Variants in CSMD2 observed in about 807,000 individuals in gnomAD.
CSMD2 encodes CUB and Sushi multiple domains 2, also known as CUB and sushi domain-containing protein 2.
CSMD2 carries 130 observed loss-of-function variants against 398.5 expected under a neutral mutation model. The observed-to-expected ratio is 0.33, with a 90% confidence interval of 0.28 to 0.38. The LOEUF is 0.38. CSMD2 is among the 10% of genes least tolerant of loss of function. The pLI is 1.00. For synonymous variants in CSMD2, 1,828 were observed against 1,908.5 expected, an observed-to-expected ratio of 0.96 and a Z score of 1.10; for missense variants, 3,829 against 4,764.9, an observed-to-expected ratio of 0.80 and a Z score of 5.78.
intron 13 of CSMD2, among the ~76,000 whole-genome samples, chr1:33,768,134 C>G (rs1165282541): frequency 6.6e-6 from 1 of 152,226 alleles, no homozygotes; most frequent in Non-Finnish European, 1.5e-5. Context: ...GCATTCTCCT[C>G]TAACCCATGC....
At chr1:33,825,845 G>A (rs1369125620) in intron 6 of CSMD2, 71 bp from the exon 7 acceptor site, 36 of 1,264,588 alleles carry the variant, frequency 2.8e-5, no homozygotes, top group South Asian at 7.6e-5. Flanking sequence ...CCCTCTAGAA[G>A]GATTCCCCCT....
At chr1:33,679,344 G>A (rs1644827193) in intron 25 of CSMD2, among the ~76,000 whole-genome samples, 1 of 151,972 alleles carries the variant, frequency 6.6e-6, no homozygotes, top group Admixed American at 6.6e-5. Context: ...TGGGATTACA[G>A]GCTCATGCCA....
chr1:33,623,109 G>C (rs1388402325), intron 36 of CSMD2, among the ~76,000 whole-genome samples: 1 of 152,206 alleles, frequency 6.6e-6, no homozygotes, highest in Non-Finnish European at 1.5e-5. Context: ...CTGGTTACTA[G>C]AGGCTAGGTG....
intron 13 of CSMD2, among the ~76,000 whole-genome samples, chr1:33,769,761 T>C (rs1385700996): frequency 1.1e-4 from 16 of 152,218 alleles, no homozygotes; most frequent in Non-Finnish European, 2.4e-4. Context: ...ACTTCTCAAA[T>C]AAATTTGAGC....
intron 13 of CSMD2, among the ~76,000 whole-genome samples, chr1:33,754,175 A>G (rs1648666037): frequency 6.6e-6 from 1 of 152,204 alleles, no homozygotes; most frequent in South Asian, 2.1e-4. Flanking sequence ...GCACATTGAA[A>G]TGTAATCCTT....
rs373209118 is a variant in CSMD2, at chr1:34,135,242, T to TCTCACACA, written c.187+29668_187+29669insTGTGTGAG. On this transcript the variant is annotated intron_variant, in intron 1 of 70. Transcript: ENST00000373381. Reference sequence around the variant, plus strand: ...ATAGACATCTGCCCTCATGTTGAAATCACACACACACACACACACACACAC... The same window carrying TCTCACACA: ...ATAGACATCTGCCCTCATGTTGAAATCTCACACACACACACACACACACACACACACAC... 1.3e-3 allele frequency among the ~76,000 whole-genome samples: 180 copies of TCTCACACA among 135,602 alleles called. 1 individual carries two copies. Among genetic ancestry groups the TCTCACACA allele is most frequent in the Middle Eastern group, 7.6e-3 (2 of 264 alleles). The allele number at this position is 135,602 out of a possible 152,430, so 89.0% of individuals were successfully genotyped here.
chr1:34,065,546 G>A (rs1655019772), intron 2 of CSMD2, among the ~76,000 whole-genome samples: 1 of 152,166 alleles, frequency 6.6e-6, no homozygotes, highest in African/African-American at 2.4e-5. Flanking sequence ...AACCAGCAGA[G>A]CTGGGTTTTA....
At chr1:33,604,855 G>A (rs994145468) in intron 42 of CSMD2, among the ~76,000 whole-genome samples, 6 of 152,080 alleles carry the variant, frequency 3.9e-5, no homozygotes, top group African/African-American at 1.4e-4. Flanking sequence ...AGATGAAGAG[G>A]GGAGCAAGAG....
intron 10 of CSMD2, 97 bp from the exon 11 acceptor site, chr1:33,792,623 G>T (rs887002314): frequency 6.4e-6 from 5 of 784,166 alleles, no homozygotes; most frequent in African/African-American, 5.1e-5. Flanking sequence ...ATGTCCCAAT[G>T]CTCAGAGTCA....
At chr1:33,899,150 G>A (rs1642589800) in intron 5 of CSMD2, among the ~76,000 whole-genome samples, 1 of 152,212 alleles carries the variant, frequency 6.6e-6, no homozygotes, top group African/African-American at 2.4e-5. Context: ...CTCTTGAAAG[G>A]GGAACGCTGA....
intron 42 of CSMD2, 74 bp downstream of exon 42, chr1:33,605,208 G>A (rs1640507872): frequency 1.4e-6 from 2 of 1,382,210 alleles, no homozygotes; most frequent in Admixed American, 2.0e-5. Flanking sequence ...CAGGTAGGTG[G>A]AACATGGGAT....
chr1:34,087,635 T>TAAC (rs1658046619), intron 2 of CSMD2, among the ~76,000 whole-genome samples: 1 of 148,266 alleles, frequency 6.7e-6, no homozygotes, highest in Non-Finnish European at 1.5e-5. Flanking sequence ...ATAATAATAA[T>TAAC]AATAATAATA....
intron 60 of CSMD2, among the ~76,000 whole-genome samples, chr1:33,539,328 T>G (rs1656112919): frequency 6.6e-6 from 1 of 152,204 alleles, no homozygotes; most frequent in Admixed American, 6.5e-5. Context: ...AAGTTGGAGA[T>G]AATCTAAATT....
At chr1:33,943,277 A>G (rs1271860492) in intron 3 of CSMD2, among the ~76,000 whole-genome samples, 4 of 152,178 alleles carry the variant, frequency 2.6e-5, no homozygotes, top group South Asian at 2.1e-4. Flanking sequence ...TTGTGATCTG[A>G]CTGTTGCTGA....
intron 19 of CSMD2, among the ~76,000 whole-genome samples, chr1:33,718,118 G>A (rs564915456): frequency 2.6e-5 from 4 of 152,244 alleles, no homozygotes; most frequent in African/African-American, 7.2e-5. Flanking sequence ...GTCCAAGGTC[G>A]CCCAGCTAGT....
At chr1:34,011,320 G>A (rs1017178887) in intron 3 of CSMD2, among the ~76,000 whole-genome samples, 3 of 152,188 alleles carry the variant, frequency 2.0e-5, no homozygotes, top group African/African-American at 4.8e-5. Context: ...GTGGGTTGGG[G>A]TGGACTGCTA....
intron 1 of CSMD2, among the ~76,000 whole-genome samples, chr1:34,151,460 A>G (rs1018159917): frequency 6.6e-6 from 1 of 152,162 alleles, no homozygotes; most frequent in Admixed American, 6.6e-5. Context: ...GTGAAAGGTC[A>G]GGAAGAGGCT....
At position 33,635,359 on chromosome 1, in the gene CSMD2, G is replaced by A. The variant is rs1252581723; in HGVS notation, c.4970-29C>T. ...AAAGAGAAACCAGATAGAGAGTCAGGTGACCTTGTGGGCCTCTTACCAGTG... is the reference window on the plus strand; with the variant it reads ...AAAGAGAAACCAGATAGAGAGTCAGATGACCTTGTGGGCCTCTTACCAGTG... On this transcript the variant is annotated intron_variant, in intron 30 of 70. Transcript: ENST00000373381. This position sits in a 1 kb window ranked among gnomAD's most constrained non-coding sequence, Gnocchi z 5.0. The A allele has an allele frequency of 7.2e-7, 1 of 1,396,622 alleles. No individual in the cohort carries two copies. Among genetic ancestry groups the A allele is most frequent in the Non-Finnish European group, 1.0e-6 (1 of 985,758 alleles). The allele number at this position is 1,396,622 out of a possible 1,614,324, so 86.5% of individuals were successfully genotyped here.
chr1:34,043,423 CAG>C (rs1157047313), intron 2 of CSMD2, among the ~76,000 whole-genome samples: 1 of 152,140 alleles, frequency 6.6e-6, no homozygotes, highest in Non-Finnish European at 1.5e-5. Flanking sequence ...TAAATGTCCT[CAG>C]AGAATAGAGT....
Sources: gnomAD v4.1 joint callset for allele counts (sites outside exome capture counted in the v4.1 genomes callset) on GRCh38, gnomAD v4.1.1 for gene constraint, Gnocchi (gnomAD v3.1) non-coding constraint, MANE v1.5 for transcripts, NCBI Gene and HGNC (gene_info 2026-07-23, HGNC 2026-07-21) for gene names.